The following SLC35F1 variants were observed in gnomAD, a reference collection of about 807,000 sequenced individuals.
The protein encoded by SLC35F1 is solute carrier family 35 member F1.
In SLC35F1, 14 loss-of-function variants were observed where a neutral mutation model predicts 48.7. That is an observed-to-expected ratio of 0.29 (90% CI 0.19 to 0.45). The LOEUF (loss-of-function observed/expected upper bound fraction) is 0.45. SLC35F1 is among the 20% of genes least tolerant of loss of function. The pLI is 1.00. For synonymous variants in SLC35F1, 190 were observed against 202.2 expected (o/e 0.94, Z 0.51); for missense variants, 404 against 500.0 (o/e 0.81, Z 1.83).
chr6:118,230,703 G>C (rs1377051914), intron 2 of SLC35F1, among the ~76,000 whole-genome samples: 2 of 152,126 alleles, frequency 1.3e-5, no homozygotes, highest in African/African-American at 4.8e-5. Flanking sequence ...AGATGATAAG[G>C]CTGGCGTGGT....
intron 1 of SLC35F1, among the ~76,000 whole-genome samples, chr6:117,912,066 C>G (rs1213617149): frequency 6.6e-6 from 1 of 152,154 alleles, no homozygotes; most frequent in Non-Finnish European, 1.5e-5. Context: ...CTGTGAATTT[C>G]TTGTTTTGAT....
intron 4 of SLC35F1, among the ~76,000 whole-genome samples, chr6:118,274,669 A>C (rs1775897854): frequency 6.6e-6 from 1 of 152,250 alleles, no homozygotes; most frequent in Admixed American, 6.5e-5. Flanking sequence ...AAATGCTAGG[A>C]TTACAGGCGT....
At chr6:118,297,226 T>A (rs1026026445) in intron 7 of SLC35F1, among the ~76,000 whole-genome samples, 4 of 152,198 alleles carry the variant, frequency 2.6e-5, no homozygotes, top group African/African-American at 9.7e-5. Flanking sequence ...ATATAACCCC[T>A]ATGGTTTTTA....
chr6:118,020,362 A>G (rs1048821049), intron 1 of SLC35F1, among the ~76,000 whole-genome samples: 4 of 152,206 alleles, frequency 2.6e-5, no homozygotes, highest in African/African-American at 9.6e-5. Flanking sequence ...CTGAACACCG[A>G]TCACACTGTC....
chr6:118,152,717 T>G (rs1481431137), intron 1 of SLC35F1, among the ~76,000 whole-genome samples: 1 of 152,162 alleles, frequency 6.6e-6, no homozygotes, highest in Admixed American at 6.5e-5. Flanking sequence ...CACATTCTGT[T>G]GGTCAGAGCA....
intron 1 of SLC35F1, among the ~76,000 whole-genome samples, chr6:118,093,870 A>C (rs978750356): frequency 1.3e-5 from 2 of 152,198 alleles, no homozygotes; most frequent in Admixed American, 6.5e-5. Context: ...AGCCAGAGGA[A>C]GGGAGTGTTG....
intron 1 of SLC35F1, among the ~76,000 whole-genome samples, chr6:118,072,731 C>T (rs1772753411): frequency 6.6e-6 from 1 of 151,964 alleles, no homozygotes; most frequent in Non-Finnish European, 1.5e-5. Flanking sequence ...ATTGGGAGTT[C>T]TGTGTATGTA....
chr6:118,311,352 T>A (rs1776369556), intron 7 of SLC35F1, among the ~76,000 whole-genome samples: 1 of 152,214 alleles, frequency 6.6e-6, no homozygotes, highest in Non-Finnish European at 1.5e-5. Flanking sequence ...TATGTTTCTT[T>A]CTTTAGTCTG....
chr6:118,165,339 C>T (rs1028500760), intron 2 of SLC35F1, among the ~76,000 whole-genome samples: 4 of 152,070 alleles, frequency 2.6e-5, no homozygotes, highest in African/African-American at 9.7e-5. Flanking sequence ...AACTAATAGA[C>T]AAATGGGGAA....
chr6:118,023,046 C>G (rs1777417222), intron 1 of SLC35F1, among the ~76,000 whole-genome samples: 1 of 152,170 alleles, frequency 6.6e-6, no homozygotes, highest in Admixed American at 6.5e-5. Flanking sequence ...GCGTGAGCCA[C>G]CATGCCCGGC....
At chr6:118,155,623 A>G (rs1582699223) in intron 2 of SLC35F1, among the ~76,000 whole-genome samples, 1 of 152,318 alleles carries the variant, frequency 6.6e-6, no homozygotes, top group East Asian at 1.9e-4. Flanking sequence ...GTGCAGTCTC[A>G]GGTATTATGG....
At chr6:118,299,123 G>C (rs1362678137) in intron 7 of SLC35F1, among the ~76,000 whole-genome samples, 2 of 152,142 alleles carry the variant, frequency 1.3e-5, no homozygotes, top group Non-Finnish European at 2.9e-5. Context: ...CGAGGCTGCA[G>C]TGAGCCATGA....
At chr6:118,061,588 G>GTATATATATATATATA (rs1237884567) in intron 1 of SLC35F1, among the ~76,000 whole-genome samples, 3 of 144,682 alleles carry the variant, frequency 2.1e-5, no homozygotes, top group African/African-American at 7.8e-5. Flanking sequence ...GTGTGTGTGT[G>GTATATATATATATATA]TGTATATATA....
chr6:118,155,641 T>A (rs1774129415), intron 2 of SLC35F1, among the ~76,000 whole-genome samples: 1 of 152,204 alleles, frequency 6.6e-6, no homozygotes, highest in Admixed American at 6.5e-5. Context: ...TGGAATATGT[T>A]ATTCATTATA....
intron 1 of SLC35F1, among the ~76,000 whole-genome samples, chr6:117,950,580 A>G (rs1776351335): frequency 6.6e-6 from 1 of 152,328 alleles, no homozygotes; most frequent in Middle Eastern, 3.4e-3. Context: ...TCTTCAGTAG[A>G]GTGACTCAAA....
chr6:118,264,081 C>T (rs1387999098), intron 3 of SLC35F1, among the ~76,000 whole-genome samples: 1 of 152,202 alleles, frequency 6.6e-6, no homozygotes. Flanking sequence ...GAAGCCTCAA[C>T]TATTAAATAC....
intron 2 of SLC35F1, among the ~76,000 whole-genome samples, chr6:118,159,561 T>TATC (rs1774197333): frequency 6.6e-6 from 1 of 152,192 alleles, no homozygotes; most frequent in Admixed American, 6.5e-5. Flanking sequence ...CTTCTCCTTG[T>TATC]ATCTACTATC....
intron 1 of SLC35F1, among the ~76,000 whole-genome samples, chr6:117,921,787 A>T (rs1256821868): frequency 6.6e-6 from 1 of 152,224 alleles, no homozygotes; most frequent in African/African-American, 2.4e-5. Flanking sequence ...TTCCACAATG[A>T]TGGAAGAAAA....
At chr6:118,029,681 C>T (rs1772011423) in intron 1 of SLC35F1, among the ~76,000 whole-genome samples, 1 of 152,076 alleles carries the variant, frequency 6.6e-6, no homozygotes, top group Non-Finnish European at 1.5e-5. Context: ...TAGCAGTGTT[C>T]CCCAACTTGT....
Sources: allele counts gnomAD v4.1 joint callset (sites outside exome capture counted in the v4.1 genomes callset), GRCh38; gene constraint gnomAD v4.1.1; transcripts MANE v1.5; gene names NCBI Gene and HGNC (gene_info 2026-07-23, HGNC 2026-07-21).